NPNT: variants seen among roughly 807,000 people sequenced by gnomAD.
NPNT encodes the protein nephronectin.
A neutral mutation model predicts 68.6 loss-of-function variants in NPNT; 45 were observed. The ratio of observed to expected loss-of-function variants is 0.66; its 90% CI spans 0.52 to 0.84. NPNT has a LOEUF of 0.84. Ranked by LOEUF, NPNT falls within the 40% of genes least tolerant of loss-of-function variation. NPNT has a pLI of 0.00. For missense variants in NPNT, 672 were observed against 714.8 expected, an observed-to-expected ratio of 0.94 and a Z score of 0.68; for synonymous variants, 233 against 253.3, an observed-to-expected ratio of 0.92 and a Z score of 0.76.
At chr4:105,927,568 A>G in intron 3 of NPNT, 140 bp downstream of exon 3, 1 of 438,782 alleles carries the variant, frequency 2.3e-6, no homozygotes, top group Non-Finnish European at 4.1e-6. Context: ...AAATAAAAAT[A>G]TATTAATGAT....
At chr4:105,960,466 A>C (rs574655679) in intron 10 of NPNT, among the ~76,000 whole-genome samples, 2 of 152,334 alleles carry the variant, frequency 1.3e-5, no homozygotes, top group Admixed American at 1.3e-4. Context: ...TTGAGTAACA[A>C]GGTATTAAAA....
rs1250452974 is a variant in NPNT at position 105,940,674 on chromosome 4, G to A, written c.763+38G>A. 5 of 1,591,764 alleles carry A rather than the reference G, an allele frequency of 3.1e-6. No homozygotes were observed. In the East Asian group the frequency reaches 6.7e-5, roughly 21 times the overall value. On this transcript the variant is annotated intron_variant, in intron 7 of 11. Transcript: ENST00000379987. ...TGTCTCTCAGCTTTAAATTCTAGCA[G>A]GAAATACAGGATTACACAAAGGCCA...
At chr4:105,898,271 G>A in intron 2 of NPNT, 1 of 252,148 alleles carries the variant, frequency 4.0e-6, no homozygotes, top group Non-Finnish European at 7.3e-6. Context: ...TCTCCTTCCT[G>A]TTTTCTTACC....
At chr4:105,896,014 A>G in intron 1 of NPNT, 1 of 449,384 alleles carries the variant, frequency 2.2e-6, no homozygotes, top group Admixed American at 4.1e-5. Context: ...GGAGCCTGGG[A>G]TCTCGGCTCT....
chr4:105,952,187 A>T (rs1178313579), intron 8 of NPNT, among the ~76,000 whole-genome samples: 1 of 152,208 alleles, frequency 6.6e-6, no homozygotes, highest in Non-Finnish European at 1.5e-5. Context: ...TATGTTTCTC[A>T]TGCTTTTTAT....
At chr4:105,942,200 GA>G in intron 7 of NPNT, 106 bp from the exon 8 acceptor site, 1 of 825,050 alleles carries the variant, frequency 1.2e-6, no homozygotes, top group East Asian at 2.6e-5. Context: ...TTCTAAATGT[GA>G]AAAATGATAC....
At chr4:105,903,301 T>G (rs1315194508) in intron 2 of NPNT, among the ~76,000 whole-genome samples, 2 of 152,244 alleles carry the variant, frequency 1.3e-5, no homozygotes, top group African/African-American at 4.8e-5. Context: ...CACTGTATGC[T>G]TTCCAGATGA....
At chr4:105,920,665 G>C (rs1283198024) in intron 2 of NPNT, among the ~76,000 whole-genome samples, 1 of 151,948 alleles carries the variant, frequency 6.6e-6, no homozygotes, top group African/African-American at 2.4e-5. Context: ...TTTGGCGGGG[G>C]ACACTTCAGG....
chr4:105,904,315 A>T (rs896390997), intron 2 of NPNT, among the ~76,000 whole-genome samples: 1 of 152,210 alleles, frequency 6.6e-6, no homozygotes, highest in African/African-American at 2.4e-5. Flanking sequence ...ATTTTTATCA[A>T]TTGCCCAATG....
intron 2 of NPNT, among the ~76,000 whole-genome samples, chr4:105,906,738 T>C (rs1310221636): frequency 6.6e-6 from 1 of 152,210 alleles, no homozygotes; most frequent in African/African-American, 2.4e-5. Flanking sequence ...ACATTGTGAA[T>C]AGAGCAGGGA....
chr4:105,949,588 G>A (rs1192588228), intron 8 of NPNT, among the ~76,000 whole-genome samples: 1 of 152,134 alleles, frequency 6.6e-6, no homozygotes, highest in Non-Finnish European at 1.5e-5. Context: ...CAAAACTCTG[G>A]TGTCACAGGG....
rs555495532 is a variant in NPNT, at chr4:105,934,977, A to C, written c.266-2032A>C. ...GGCCCAGACTGGAGCCAAATTGTAG[A>C]AGAGCTGCCCCAACTGGGCTTCAGG... On this transcript the variant is annotated intron_variant, in intron 3 of 11. Transcript: ENST00000379987. Among the ~76,000 whole-genome samples the C allele has an allele frequency of 5.3e-4, 80 of 152,178 alleles. 1 individual carries two copies. The highest frequency in any genetic ancestry group is 2.6e-4 in the Admixed American group (4 of 15,278).
intron 8 of NPNT, among the ~76,000 whole-genome samples, chr4:105,947,877 T>C (rs1307195323): frequency 8.5e-5 from 13 of 152,314 alleles, no homozygotes; most frequent in African/African-American, 3.1e-4. Context: ...GTAATCTAAA[T>C]CATTTCTCTT....
At chr4:105,948,379 T>G (rs1342901443) in intron 8 of NPNT, among the ~76,000 whole-genome samples, 1 of 152,180 alleles carries the variant, frequency 6.6e-6, no homozygotes, top group Non-Finnish European at 1.5e-5. Context: ...GTATGAGTAT[T>G]TATGAGGTAC....
At chr4:105,916,927 A>ATTGTGGTT (rs1469065763) in intron 2 of NPNT, among the ~76,000 whole-genome samples, 1 of 152,198 alleles carries the variant, frequency 6.6e-6, no homozygotes, top group African/African-American at 2.4e-5. Flanking sequence ...TAATAAACAT[A>ATTGTGGTT]TTGTGGTTTT....
At chr4:105,950,193 A>G (rs1379404811) in intron 8 of NPNT, among the ~76,000 whole-genome samples, 1 of 152,156 alleles carries the variant, frequency 6.6e-6, no homozygotes, top group Non-Finnish European at 1.5e-5. Context: ...ATTGAATGTG[A>G]TAGCTATGTC....
At chr4:105,937,661 A>G (rs1729598932) in intron 4 of NPNT, among the ~76,000 whole-genome samples, 1 of 152,184 alleles carries the variant, frequency 6.6e-6, no homozygotes, top group East Asian at 1.9e-4. Context: ...ATAAATGAAT[A>G]TGATACCAGA....
At chr4:105,930,693 A>T (rs1729043428) in intron 3 of NPNT, among the ~76,000 whole-genome samples, 1 of 152,240 alleles carries the variant, frequency 6.6e-6, no homozygotes, top group African/African-American at 2.4e-5. Context: ...CTTTTGGTAT[A>T]TGACAAGTAT....
intron 11 of NPNT, 32 bp from the exon 12 acceptor site, chr4:105,968,863 A>G: frequency 7.7e-7 from 1 of 1,303,922 alleles, no homozygotes; most frequent in East Asian, 2.3e-5. Context: ...GGGGCAGAGG[A>G]GGCTTGACTG....
Sources: allele counts gnomAD v4.1 joint callset (sites outside exome capture counted in the v4.1 genomes callset), GRCh38; gene constraint gnomAD v4.1.1; transcripts MANE v1.5; gene names NCBI Gene and HGNC (gene_info 2026-07-23, HGNC 2026-07-21).